SHISA9: variants seen among roughly 807,000 people sequenced by gnomAD.
SHISA9 encodes the protein shisa family member 9, also known as protein shisa-9.
A neutral mutation model predicts 38.0 loss-of-function variants in SHISA9; 13 were observed. The ratio of observed to expected loss-of-function variants is 0.34; its 90% CI spans 0.22 to 0.54. SHISA9 has a LOEUF of 0.54. Ranked by LOEUF, SHISA9 falls within the 20% of genes least tolerant of loss-of-function variation. SHISA9 has a pLI of 0.91. For missense variants in SHISA9, 538 were observed against 575.8 expected (o/e 0.93, Z 0.67); for synonymous variants, 275 against 242.0 (o/e 1.14, Z -1.27).
chr16:13,094,896 G>A (rs1291764481), intron 2 of SHISA9, among the ~76,000 whole-genome samples: 1 of 152,124 alleles, frequency 6.6e-6, no homozygotes, highest in African/African-American at 2.4e-5. Context: ...TAATTTAGCT[G>A]TGTAAGTGTT....
At chr16:13,524,541 GAC>G in the SHISA9 span, among the ~76,000 whole-genome samples, 1 of 152,070 alleles carries the variant, frequency 6.6e-6, no homozygotes, top group Admixed American at 6.6e-5. Flanking sequence ...TCAACCTCAG[GAC>G]AATTGACATT....
the SHISA9 span, among the ~76,000 whole-genome samples, chr16:13,408,600 A>G: frequency 6.6e-6 from 1 of 152,238 alleles, no homozygotes; most frequent in Non-Finnish European, 1.5e-5. Flanking sequence ...TTAATGCTGT[A>G]TAAATTTTTA....
intron 2 of SHISA9, among the ~76,000 whole-genome samples, chr16:13,006,512 A>G (rs2072600151): frequency 6.6e-6 from 1 of 152,230 alleles, no homozygotes; most frequent in Non-Finnish European, 1.5e-5. Flanking sequence ...ATTGCAAGTC[A>G]CCTGGGGACT....
chr16:13,102,666 C>T (rs1009779945), intron 2 of SHISA9, among the ~76,000 whole-genome samples: 5 of 152,154 alleles, frequency 3.3e-5, no homozygotes, highest in Admixed American at 3.3e-4. Context: ...CCTCTAGACT[C>T]CCCTCTCCTT....
At chr16:13,303,868 C>T in the SHISA9 span, among the ~76,000 whole-genome samples, 4 of 152,188 alleles carry the variant, frequency 2.6e-5, no homozygotes, top group Non-Finnish European at 4.4e-5. Context: ...AACACTTGTC[C>T]CTCAATAAAT....
intron 2 of SHISA9, among the ~76,000 whole-genome samples, chr16:13,049,188 G>C (rs1021746815): frequency 2.2e-5 from 3 of 139,372 alleles, no homozygotes; most frequent in Non-Finnish European, 4.4e-5. Flanking sequence ...GTGTGTGTGT[G>C]TGTGTGTGTG....
the SHISA9 span, among the ~76,000 whole-genome samples, chr16:13,483,357 T>C: frequency 6.6e-6 from 1 of 152,200 alleles, no homozygotes; most frequent in South Asian, 2.1e-4. Context: ...CCGAACACTT[T>C]ACAGAAATTG....
chr16:13,004,878 G>A (rs367870619), intron 2 of SHISA9, among the ~76,000 whole-genome samples: 7 of 149,038 alleles, frequency 4.7e-5, no homozygotes, highest in Admixed American at 2.0e-4. Context: ...GTTGCAGTGA[G>A]CCTAGATCAT....
At chr16:13,286,705 A>G in the SHISA9 span, among the ~76,000 whole-genome samples, 1 of 152,220 alleles carries the variant, frequency 6.6e-6, no homozygotes, top group Non-Finnish European at 1.5e-5. Context: ...TTTGCAGATC[A>G]AAAGTATCCT....
At chr16:12,968,189 C>CAAAAAAAAAAAAAA (rs200194973) in intron 2 of SHISA9, among the ~76,000 whole-genome samples, 8 of 82,002 alleles carry the variant, frequency 9.8e-5, no homozygotes, top group African/African-American at 3.4e-4. Context: ...GGCTCCATCT[C>CAAAAAAAAAAAAAA]AAAAAAAAAA....
the SHISA9 span, among the ~76,000 whole-genome samples, chr16:13,505,273 T>C: frequency 6.6e-6 from 1 of 152,204 alleles, no homozygotes; most frequent in Non-Finnish European, 1.5e-5. Context: ...GTCCAAGCAG[T>C]GCAAAGAAGC....
the SHISA9 span, among the ~76,000 whole-genome samples, chr16:13,416,743 A>AAAGGAAGGAAGG: frequency 1.1e-4 from 12 of 113,524 alleles, no homozygotes; most frequent in African/African-American, 3.9e-4. Context: ...AGAAAGAAAG[A>AAAGGAAGGAAGG]AAGGAAGGAA....
chr16:13,521,579 A>G, the SHISA9 span, among the ~76,000 whole-genome samples: 2 of 151,948 alleles, frequency 1.3e-5, no homozygotes, highest in Non-Finnish European at 2.9e-5. Context: ...CCTTGAAGAA[A>G]CCCCAGGGGT....
Position 12,967,208 on chromosome 16 carries a change from GC to G in SHISA9, c.691+50395del, listed in dbSNP as rs1567355452. On this transcript the variant is annotated intron_variant, in intron 2 of 4. Transcript: ENST00000558583. ...GATTAAGAAAATGTGGCACATATACGCCATGGAATACTATGCAGCCATAAAA... is the reference window on the plus strand; with the variant it reads ...GATTAAGAAAATGTGGCACATATACGCATGGAATACTATGCAGCCATAAAA... Among the ~76,000 whole-genome samples the G allele has an allele frequency of 1.2e-3, 190 of 152,066 alleles. 2 individuals carry two copies. Among genetic ancestry groups the G allele is most frequent in the Non-Finnish European group, 4.3e-4 (29 of 68,014 alleles).
rs191669564 is a variant in SHISA9 at position 12,932,801 on chromosome 16, C to T, written c.691+15986C>T. ...TCATTTTGGGTGTTGTCACTGATGACATGTCGTGGCTCCCTGCAGTGGAGT... is the reference window on the plus strand; with the variant it reads ...TCATTTTGGGTGTTGTCACTGATGATATGTCGTGGCTCCCTGCAGTGGAGT... On this transcript the variant is annotated intron_variant, in intron 2 of 4. Coordinates refer to ENST00000558583, the MANE Select transcript of SHISA9 (RefSeq NM_001145204.3). 2.2e-3 allele frequency among the ~76,000 whole-genome samples: 339 copies of T among 152,284 alleles called. 1 individual carries two copies. The highest frequency in any genetic ancestry group is 5.8e-3 in the Admixed American group (88 of 15,290).
At chr16:13,414,659 T>TTTTG in the SHISA9 span, among the ~76,000 whole-genome samples, 1 of 150,322 alleles carries the variant, frequency 6.7e-6, no homozygotes, top group African/African-American at 2.4e-5. Context: ...TCTTTTTTTT[T>TTTTG]TTTCAGACAG....
the SHISA9 span, among the ~76,000 whole-genome samples, chr16:13,543,384 TTGAA>T: frequency 1.3e-5 from 2 of 152,192 alleles, no homozygotes; most frequent in African/African-American, 4.8e-5. Context: ...GAACAAATAT[TTGAA>T]TGACTGCATT....
At chr16:13,496,965 T>A in the SHISA9 span, among the ~76,000 whole-genome samples, 1 of 152,148 alleles carries the variant, frequency 6.6e-6, no homozygotes, top group East Asian at 1.9e-4. Context: ...TGCGTTTAAT[T>A]CAATGCTAAC....
At chr16:13,399,414 C>T in the SHISA9 span, among the ~76,000 whole-genome samples, 2 of 152,148 alleles carry the variant, frequency 1.3e-5, no homozygotes, top group Non-Finnish European at 2.9e-5. Flanking sequence ...ATTAACACAA[C>T]ACTTAAATTG....
Sources: allele counts gnomAD v4.1 joint callset (sites outside exome capture counted in the v4.1 genomes callset), GRCh38; gene constraint gnomAD v4.1.1; transcripts MANE v1.5; gene names NCBI Gene and HGNC (gene_info 2026-07-23, HGNC 2026-07-21).